The following FHIT variants were observed in gnomAD, a reference collection of about 807,000 sequenced individuals.
FHIT encodes the protein fragile histidine triad diadenosine triphosphatase.
In FHIT, 19 loss-of-function variants were observed where a neutral mutation model predicts 17.9. The ratio of observed to expected loss-of-function variants is 1.06; its 90% CI spans 0.74 to 1.56. The LOEUF (loss-of-function observed/expected upper bound fraction) is 1.56. Among genes scored for constraint, FHIT ranks in the 40% most tolerant of loss-of-function variants. FHIT has a pLI of 0.00. For synonymous variants in FHIT, 81 were observed against 69.7 expected (o/e 1.16, Z -0.81); for missense variants, 248 against 189.2 (o/e 1.31, Z -1.82).
intron 5 of FHIT, among the ~76,000 whole-genome samples, chr3:60,030,864 C>T (rs1700970013): frequency 6.6e-6 from 1 of 152,084 alleles, no homozygotes; most frequent in African/African-American, 2.4e-5. Context: ...TAAATAAAAG[C>T]TAAAACTATT....
intron 4 of FHIT, among the ~76,000 whole-genome samples, chr3:60,748,957 T>C (rs374108618): frequency 1.3e-5 from 2 of 152,372 alleles, no homozygotes; most frequent in East Asian, 1.9e-4. Context: ...AATTTTCTTT[T>C]TTTCAAATAG....
intron 5 of FHIT, among the ~76,000 whole-genome samples, chr3:60,265,438 C>T (rs929023300): frequency 5.3e-5 from 8 of 151,810 alleles, no homozygotes; most frequent in African/African-American, 1.9e-4. Flanking sequence ...GATCAAAGAC[C>T]TAAGAGTTTA....
chr3:60,263,030 C>A (rs889409706), intron 5 of FHIT, among the ~76,000 whole-genome samples: 1 of 151,732 alleles, frequency 6.6e-6, no homozygotes, highest in African/African-American at 2.4e-5. Flanking sequence ...AGATAGTCAA[C>A]CCAATTAAAA....
chr3:61,000,891 C>G (rs2031032566), intron 3 of FHIT, among the ~76,000 whole-genome samples: 1 of 152,032 alleles, frequency 6.6e-6, no homozygotes, highest in Non-Finnish European at 1.5e-5. Flanking sequence ...CAGTGAGGCC[C>G]TAGGCCATCC....
At chr3:61,154,170 G>A (rs2037470059) in intron 2 of FHIT, among the ~76,000 whole-genome samples, 1 of 152,198 alleles carries the variant, frequency 6.6e-6, no homozygotes, top group African/African-American at 2.4e-5. Flanking sequence ...GCACGTGGCA[G>A]ATTCCTCTAG....
chr3:60,530,918 G>C (rs2035753601), intron 5 of FHIT, among the ~76,000 whole-genome samples: 1 of 152,066 alleles, frequency 6.6e-6, no homozygotes, highest in African/African-American at 2.4e-5. Context: ...ATAACCCAAG[G>C]GTAGGTGCAC....
intron 3 of FHIT, among the ~76,000 whole-genome samples, chr3:60,903,051 C>A (rs1400620573): frequency 6.6e-6 from 1 of 152,126 alleles, no homozygotes; most frequent in Non-Finnish European, 1.5e-5. Context: ...TTCCAAAATG[C>A]AGAGAATAAT....
chr3:61,245,433 C>T (rs1054063973), intron 1 of FHIT, among the ~76,000 whole-genome samples: 2 of 152,172 alleles, frequency 1.3e-5, no homozygotes, highest in Non-Finnish European at 2.9e-5. Flanking sequence ...TCATCTGTCA[C>T]CTAGACCACT....
chr3:60,400,285 G>A (rs1189700377), intron 5 of FHIT, among the ~76,000 whole-genome samples: 1 of 152,084 alleles, frequency 6.6e-6, no homozygotes, highest in Non-Finnish European at 1.5e-5. Flanking sequence ...GAACAGAGGA[G>A]GTGAAAGAAG....
intron 2 of FHIT, among the ~76,000 whole-genome samples, chr3:61,142,434 T>C (rs1255687861): frequency 6.9e-6 from 1 of 145,316 alleles, no homozygotes; most frequent in African/African-American, 2.4e-5. Flanking sequence ...TGTATTTGAA[T>C]GTGACTCTAA....
At chr3:61,090,491 T>G (rs1189850043) in intron 2 of FHIT, among the ~76,000 whole-genome samples, 1 of 152,190 alleles carries the variant, frequency 6.6e-6, no homozygotes, top group Non-Finnish European at 1.5e-5. Flanking sequence ...GGATTTATAT[T>G]ACATGAAAAA....
At chr3:60,369,082 C>T (rs1386924700) in intron 5 of FHIT, among the ~76,000 whole-genome samples, 1 of 151,860 alleles carries the variant, frequency 6.6e-6, no homozygotes, top group Non-Finnish European at 1.5e-5. Context: ...AAGCAATCCT[C>T]CCACCTCAGC....
At chr3:60,007,445 A>C (rs151111658) in intron 7 of FHIT, among the ~76,000 whole-genome samples, 29 of 152,310 alleles carry the variant, frequency 1.9e-4, no homozygotes, top group African/African-American at 6.0e-4. Context: ...TAAAGTTAGA[A>C]ACTTATGAGA....
chr3:60,390,861 A>G (rs531598629), intron 5 of FHIT, among the ~76,000 whole-genome samples: 1 of 152,302 alleles, frequency 6.6e-6, no homozygotes, highest in East Asian at 1.9e-4. Context: ...AAAGCTAAAA[A>G]AAAAATTTAA....
chr3:60,677,294 C>T (rs2040643505), intron 4 of FHIT, among the ~76,000 whole-genome samples: 1 of 152,180 alleles, frequency 6.6e-6, no homozygotes, highest in Non-Finnish European at 1.5e-5. Flanking sequence ...GTACATTGTA[C>T]TACCTCACTC....
chr3:60,955,633 T>TATATATATATACACACAC (rs1272864632), intron 3 of FHIT, among the ~76,000 whole-genome samples: 10 of 39,534 alleles, frequency 2.5e-4, no homozygotes, highest in African/African-American at 8.0e-4. Flanking sequence ...TATATATATA[T>TATATATATATACACACAC]ACACACACAC....
chr3:61,009,425 T>C (rs1231328680), intron 3 of FHIT, among the ~76,000 whole-genome samples: 1 of 152,342 alleles, frequency 6.6e-6, no homozygotes, highest in East Asian at 1.9e-4. Flanking sequence ...TCTTCAAATT[T>C]GACCAATTGG....
In FHIT at chr3:60,660,729, C is replaced by CTTTTTTTTTTTTTTTTTTTTTTTTTTT; in HGVS notation, c.-17-123751_-17-123750insAAAAAAAAAAAAAAAAAAAAAAAAAAA. Among the ~76,000 whole-genome samples, 47 of 37,282 alleles carry CTTTTTTTTTTTTTTTTTTTTTTTTTTT rather than the reference C, an allele frequency of 1.3e-3. 11 individuals are homozygous for CTTTTTTTTTTTTTTTTTTTTTTTTTTT. Among genetic ancestry groups the CTTTTTTTTTTTTTTTTTTTTTTTTTTT allele is most frequent in the Non-Finnish European group, 1.6e-3 (29 of 18,238 alleles). The allele number at this position is 37,282 out of a possible 152,430, so 24.5% of individuals were successfully genotyped here. ...GATGTGGAATATCTTTTATTGTGCTCTTTTTTTTTTTTTTTTTTTTTGCCA... is the reference window on the plus strand; with the variant it reads ...GATGTGGAATATCTTTTATTGTGCTCTTTTTTTTTTTTTTTTTTTTTTTTTTTTTTTTTTTTTTTTTTTTTTTTGCCA... On this transcript the variant is annotated intron_variant, in intron 4 of 9. Coordinates refer to ENST00000492590, the MANE Select transcript of FHIT (RefSeq NM_002012.4).
chr3:60,320,767 A>G (rs1228061472), intron 5 of FHIT, among the ~76,000 whole-genome samples: 1 of 152,228 alleles, frequency 6.6e-6, no homozygotes, highest in Non-Finnish European at 1.5e-5. Flanking sequence ...AAAGATGGAT[A>G]ATTACAATTA....
Sources: allele counts gnomAD v4.1 joint callset (sites outside exome capture counted in the v4.1 genomes callset), GRCh38; gene constraint gnomAD v4.1.1; transcripts MANE v1.5; gene names NCBI Gene and HGNC (gene_info 2026-07-23, HGNC 2026-07-21).